NEK1: variants seen among roughly 807,000 people sequenced by gnomAD.
NEK1 encodes serine/threonine-protein kinase Nek1.
In NEK1, 137 loss-of-function variants were observed where a neutral mutation model predicts 182.1. The observed-to-expected ratio is 0.75, with a 90% CI of 0.65 to 0.87. The LOEUF (loss-of-function observed/expected upper bound fraction) is 0.87, where lower values mean the gene tolerates loss of function less well. Ranked by LOEUF, NEK1 falls within the 40% of genes least tolerant of loss-of-function variation. The probability of loss-of-function intolerance (pLI) is 0.00; values close to 1 mark genes in which losing one functional copy is unlikely to be tolerated. For missense variants in NEK1, 1,391 were observed against 1,494.4 expected (o/e 0.93, Z 1.14); for synonymous variants, 513 against 492.2 (o/e 1.04, Z -0.56).
chr4:169,507,938 C>T lies in NEK1; in HGVS notation c.1834-146G>A, dbSNP rs932211541. 6 of 671,162 alleles carry T rather than the reference C, an allele frequency of 8.9e-6. No individual in the cohort carries two copies. In the African/African-American group the frequency reaches 9.0e-5, roughly 10 times the overall value. 41.6% of individuals were successfully genotyped at this position (671,162 alleles called of 1,614,324 possible). A position where few individuals can be genotyped will look rare whatever the true frequency, so the allele number is the denominator to read the frequency against. Reference sequence around the variant, plus strand: ...TGCTGTTAGTTTTCTCCTAAAGCTGCAACTGAACTCTCCACCACTATCAGC... The same window carrying T: ...TGCTGTTAGTTTTCTCCTAAAGCTGTAACTGAACTCTCCACCACTATCAGC... On this transcript the variant is annotated intron_variant, in intron 21 of 35. Transcript: ENST00000507142.
At chr4:169,490,863 G>A (rs963899219) in intron 23 of NEK1, among the ~76,000 whole-genome samples, 1 of 152,078 alleles carries the variant, frequency 6.6e-6, no homozygotes, top group African/African-American at 2.4e-5. Context: ...AAGAGATGAG[G>A]CCGGGCATGG....
chr4:169,402,410 G>C (rs888673104), intron 32 of NEK1, among the ~76,000 whole-genome samples: 1 of 152,140 alleles, frequency 6.6e-6, no homozygotes, highest in African/African-American at 2.4e-5. Flanking sequence ...ATGACCCAGT[G>C]AATAAAATGG....
At chr4:169,546,917 A>T (rs1760567426) in intron 18 of NEK1, among the ~76,000 whole-genome samples, 1 of 151,898 alleles carries the variant, frequency 6.6e-6, no homozygotes, top group South Asian at 2.1e-4. Context: ...ATGGGTCTTG[A>T]CTCTTTATCC....
intron 9 of NEK1, among the ~76,000 whole-genome samples, chr4:169,587,209 C>G (rs1767679980): frequency 6.6e-6 from 1 of 151,840 alleles, no homozygotes. Context: ...CAAACTCAAT[C>G]TGGGTGTTTT....
intron 26 of NEK1, 136 bp downstream of exon 26, chr4:169,476,988 G>T: frequency 1.7e-6 from 1 of 574,062 alleles, no homozygotes; most frequent in Non-Finnish European, 2.9e-6. Context: ...ACTTCTATTC[G>T]CCCAAAAGGA....
At chr4:169,596,910 G>C (rs1769596520) in intron 5 of NEK1, among the ~76,000 whole-genome samples, 1 of 152,084 alleles carries the variant, frequency 6.6e-6, no homozygotes, top group Non-Finnish European at 1.5e-5. Flanking sequence ...TATCATTTAT[G>C]ATAAATAACT....
chr4:169,534,546 A>C (rs899743910), intron 19 of NEK1, among the ~76,000 whole-genome samples: 1 of 152,228 alleles, frequency 6.6e-6, no homozygotes, highest in African/African-American at 2.4e-5. Flanking sequence ...CATATTGTCA[A>C]TAATACCTGA....
At chr4:169,428,914 T>C (rs1736915132) in intron 29 of NEK1, among the ~76,000 whole-genome samples, 1 of 152,234 alleles carries the variant, frequency 6.6e-6, no homozygotes, top group South Asian at 2.1e-4. Flanking sequence ...TTTAGACATC[T>C]TTCCATATTA....
chr4:169,497,770 T>G (rs1475412505), intron 23 of NEK1, among the ~76,000 whole-genome samples: 2 of 152,136 alleles, frequency 1.3e-5, no homozygotes, highest in East Asian at 1.9e-4. Flanking sequence ...GTCTGAGAGA[T>G]AGTTTGTTAT....
intron 19 of NEK1, among the ~76,000 whole-genome samples, chr4:169,526,956 T>A (rs1397720670): frequency 4.6e-5 from 7 of 152,156 alleles, no homozygotes; most frequent in Non-Finnish European, 8.8e-5. Flanking sequence ...CCTTGTAAAT[T>A]CAAGAAACTA....
intron 2 of NEK1, among the ~76,000 whole-genome samples, chr4:169,606,612 G>C (rs1281135072): frequency 6.6e-6 from 1 of 152,120 alleles, no homozygotes. Flanking sequence ...ACCTCTCCCA[G>C]TCAGATAAGT....
At chr4:169,428,528 C>G (rs1356418638) in intron 29 of NEK1, among the ~76,000 whole-genome samples, 1 of 151,602 alleles carries the variant, frequency 6.6e-6, no homozygotes, top group Non-Finnish European at 1.5e-5. Context: ...GCTAAATCCA[C>G]AGAGACAGAA....
chr4:169,557,335 A>G (rs1028993676), intron 16 of NEK1, among the ~76,000 whole-genome samples: 10 of 152,216 alleles, frequency 6.6e-5, no homozygotes, highest in Admixed American at 4.6e-4. Context: ...GAAAACTCAT[A>G]GTAAAAAATA....
At chr4:169,461,433 G>T (rs1166192420) in intron 27 of NEK1, among the ~76,000 whole-genome samples, 1 of 151,962 alleles carries the variant, frequency 6.6e-6, no homozygotes, top group Non-Finnish European at 1.5e-5. Flanking sequence ...TCCCAAAACT[G>T]CTTATTGTCT....
chr4:169,547,251 T>C (rs1760641955), intron 18 of NEK1, among the ~76,000 whole-genome samples: 1 of 152,234 alleles, frequency 6.6e-6, no homozygotes, highest in African/African-American at 2.4e-5. Flanking sequence ...TGGCTGGATA[T>C]GAAATTCTGG....
At chr4:169,443,519 A>G (rs1353355241) in intron 27 of NEK1, among the ~76,000 whole-genome samples, 1 of 152,056 alleles carries the variant, frequency 6.6e-6, no homozygotes, top group Non-Finnish European at 1.5e-5. Context: ...ATGGAAGTCT[A>G]TGTGACATAA....
chr4:169,536,432 T>C (rs1758518673), intron 19 of NEK1, among the ~76,000 whole-genome samples: 1 of 151,962 alleles, frequency 6.6e-6, no homozygotes, highest in Non-Finnish European at 1.5e-5. Flanking sequence ...TTAGTTCTTG[T>C]CAGAAACAGG....
chr4:169,611,445 T>TA (rs1273759275), intron 2 of NEK1, among the ~76,000 whole-genome samples: 1 of 152,092 alleles, frequency 6.6e-6, no homozygotes. Flanking sequence ...TGCTGCATCA[T>TA]AAAAAAAGGT....
chr4:169,545,855 A>AG (rs1760334805), intron 18 of NEK1, among the ~76,000 whole-genome samples: 6 of 152,240 alleles, frequency 3.9e-5, no homozygotes, highest in Admixed American at 2.6e-4. Context: ...TCTTCTTTTG[A>AG]GAAGTGTCTG....
Sources: allele counts gnomAD v4.1 joint callset (sites outside exome capture counted in the v4.1 genomes callset), GRCh38; gene constraint gnomAD v4.1.1; transcripts MANE v1.5; gene names NCBI Gene and HGNC (gene_info 2026-07-23, HGNC 2026-07-21).